TACC2: variants seen among roughly 807,000 people sequenced by gnomAD.
TACC2 encodes the protein transforming acidic coiled-coil-containing protein 2.
A neutral mutation model predicts 227.3 loss-of-function variants in TACC2; 137 were observed. The observed-to-expected ratio is 0.60, with a 90% CI of 0.52 to 0.69. The LOEUF is 0.69. TACC2 is among the 30% of genes least tolerant of loss of function. The pLI is 0.00. For missense variants in TACC2, 3,470 were observed against 3,694.4 expected, an observed-to-expected ratio of 0.94 and a Z score of 1.57; for synonymous variants, 1,523 against 1,487.5, an observed-to-expected ratio of 1.02 and a Z score of -0.55.
chr10:122,168,973 A>G (rs1396696947), intron 7 of TACC2, among the ~76,000 whole-genome samples: 3 of 152,194 alleles, frequency 2.0e-5, no homozygotes, highest in Non-Finnish European at 4.4e-5. Context: ...ATTGTAAGCA[A>G]TTGTTCTGTG....
chr10:122,134,163 C>T (rs1006096652), intron 6 of TACC2, among the ~76,000 whole-genome samples: 1 of 149,956 alleles, frequency 6.7e-6, no homozygotes, highest in Non-Finnish European at 1.5e-5. Context: ...TGGGAGTCAG[C>T]CATAGTTCTT....
intron 19 of TACC2, chr10:122,247,045 T>A (rs2096137731): frequency 6.6e-6 from 1 of 152,510 alleles, no homozygotes; most frequent in African/African-American, 2.4e-5. Context: ...CAGAGAGGCC[T>A]GGGAGGGTAG....
At chr10:122,019,408 G>A (rs1017279970) in intron 1 of TACC2, among the ~76,000 whole-genome samples, 15 of 152,342 alleles carry the variant, frequency 9.8e-5, no homozygotes, top group African/African-American at 3.6e-4. Context: ...GGGAGCAGTT[G>A]GCTTATTTTT....
chr10:122,083,568 G>T lies in TACC2; in HGVS notation c.1068G>T (p.Val356=). ...LPWGLPSPAL[V]PEAGGSGKEA... ...GGGGCTTGCCAAGTCCTGCCCTGGTGCCAGAGGCTGGGGGCTCTGGGAAGG... is the reference window on the plus strand; with the variant it reads ...GGGGCTTGCCAAGTCCTGCCCTGGTTCCAGAGGCTGGGGGCTCTGGGAAGG... Residue 356 remains valine, a synonymous_variant, in exon 4 of 23, where the codon GTG becomes GTT. Transcript: ENST00000369005. 6.2e-7 allele frequency: 1 copy of T among 1,613,106 alleles called. No homozygotes were observed. The highest frequency in any genetic ancestry group is 1.3e-5 in the African/African-American group (1 of 75,052).
intron 7 of TACC2, among the ~76,000 whole-genome samples, chr10:122,166,343 G>A (rs1240928146): frequency 6.6e-6 from 1 of 152,084 alleles, no homozygotes; most frequent in Non-Finnish European, 1.5e-5. Flanking sequence ...CCAATTGCAG[G>A]TTTGGGGTGC....
At chr10:122,005,919 T>C (rs1394151104) in intron 1 of TACC2, among the ~76,000 whole-genome samples, 2 of 152,032 alleles carry the variant, frequency 1.3e-5, no homozygotes, top group Non-Finnish European at 2.9e-5. Context: ...GGTCTCAAAC[T>C]CTGGACCTCA....
chr10:122,008,552 G>A (rs988215533), intron 1 of TACC2, among the ~76,000 whole-genome samples: 3 of 151,390 alleles, frequency 2.0e-5, no homozygotes, highest in Non-Finnish European at 4.4e-5. Context: ...GAGCCACTGC[G>A]CCCAGCACTA....
At chr10:122,017,132 C>G (rs1310182656) in intron 1 of TACC2, among the ~76,000 whole-genome samples, 1 of 152,130 alleles carries the variant, frequency 6.6e-6, no homozygotes, top group Non-Finnish European at 1.5e-5. Flanking sequence ...CCGGAGCTGA[C>G]CAGAGCAGCC....
intron 17 of TACC2, 85 bp downstream of exon 17, chr10:122,237,623 G>A (rs1241514159): frequency 2.6e-5 from 39 of 1,504,644 alleles, no homozygotes; most frequent in Non-Finnish European, 3.3e-5. Context: ...AGTCTTTGGA[G>A]ACAGACTTTG....
rs368675258 is a variant in TACC2 at position 122,102,839 on chromosome 10, G to A, written c.5573+14248G>A. 1.5e-3 allele frequency among the ~76,000 whole-genome samples: 224 copies of A among 152,332 alleles called. 1 individual carries two copies. The highest frequency in any genetic ancestry group is 4.9e-3 in the African/African-American group (203 of 41,584). On this transcript the variant is annotated intron_variant, in intron 5 of 22. Coordinates refer to ENST00000369005, the MANE Select transcript of TACC2 (RefSeq NM_206862.4). ...GAAATTCTGGCTGAGGCTGAGAGCC[G>A]TGTGCAGAGCTGCCCCCACACATTT...
At chr10:122,162,997 C>T (rs2092915128) in intron 7 of TACC2, among the ~76,000 whole-genome samples, 1 of 152,108 alleles carries the variant, frequency 6.6e-6, no homozygotes, top group Non-Finnish European at 1.5e-5. Context: ...AGCCCGCTCG[C>T]AGGCCCAGTA....
At chr10:122,146,896 G>A (rs1273474790) in intron 7 of TACC2, among the ~76,000 whole-genome samples, 1 of 152,048 alleles carries the variant, frequency 6.6e-6, no homozygotes, top group Non-Finnish European at 1.5e-5. Flanking sequence ...GACTTGTCTT[G>A]TTTCTGATGA....
rs993273104 is a variant in TACC2, at chr10:122,194,199, G to C, written c.5835-841G>C. 2.6e-5 allele frequency among the ~76,000 whole-genome samples: 4 copies of C among 152,308 alleles called. No homozygotes were observed. Among genetic ancestry groups the C allele is most frequent in the African/African-American group, 4.8e-5 (2 of 41,574 alleles). Reference sequence around the variant, plus strand: ...TGAGTCTCCCAAAGCGCTGGGATTAGAGGCATGAGCCACCGCACCTGGCCT... The same window carrying C: ...TGAGTCTCCCAAAGCGCTGGGATTACAGGCATGAGCCACCGCACCTGGCCT... On this transcript the variant is annotated intron_variant, in intron 7 of 22. Transcript: ENST00000369005. This position sits in a 1 kb window ranked among gnomAD's most constrained non-coding sequence, Gnocchi z 4.4.
chr10:122,163,586 G>C (rs2092956784), intron 7 of TACC2: 2 of 1,002,606 alleles, frequency 2.0e-6, no homozygotes, highest in African/African-American at 3.5e-5. Flanking sequence ...ACAGGAGCCG[G>C]CTGCCGGGGG....
intron 1 of TACC2, among the ~76,000 whole-genome samples, chr10:122,019,509 C>G (rs1456580157): frequency 6.6e-6 from 1 of 152,200 alleles, no homozygotes; most frequent in Non-Finnish European, 1.5e-5. Context: ...AAGGACAGTT[C>G]TGAGCTGCTA....
intron 7 of TACC2, among the ~76,000 whole-genome samples, chr10:122,191,621 T>C (rs893232353): frequency 1.3e-5 from 2 of 152,170 alleles, no homozygotes; most frequent in African/African-American, 4.8e-5. Context: ...CCATAGGCCG[T>C]GGGTTGGACA....
intron 6 of TACC2, among the ~76,000 whole-genome samples, chr10:122,136,000 C>G (rs538391332): frequency 3.9e-5 from 6 of 152,170 alleles, no homozygotes; most frequent in Admixed American, 2.0e-4. Flanking sequence ...AGCTTCCTCC[C>G]GGCATGAGGG....
rs911861882 is a variant in TACC2, at chr10:122,215,428, C to T, written c.7321C>T (p.Pro2441Ser). The T allele has an allele frequency of 2.5e-6, 4 of 1,613,882 alleles. No homozygotes were observed. The African/African-American group carries it at 4.0e-5, about 16-fold the overall frequency. ...GGTGAAAAAGTCGCCAAAACGGTCTCCTCTCTCTGATCCACCTTCCCAGGT... is the reference window on the plus strand; with the variant it reads ...GGTGAAAAAGTCGCCAAAACGGTCTTCTCTCTCTGATCCACCTTCCCAGGT... The part of the protein sequence containing the change: ...FRVKKSPKRS[P>S]LSDPPSQDPT... Residue 2441 changes from proline to serine, a missense_variant, in exon 10 of 23, where the codon CCT becomes TCT. This residue lies in a region of TACC2 where 593 missense variants were observed against 636.6 expected (regional missense o/e 0.93). Coordinates refer to ENST00000369005, the MANE Select transcript of TACC2 (RefSeq NM_206862.4).
Position 122,150,056 on chromosome 10 carries a change from G to A in TACC2, c.5834+6350G>A, listed in dbSNP as rs934029496. Among the ~76,000 whole-genome samples, 1 of 152,222 alleles carries A rather than the reference G, an allele frequency of 6.6e-6. No homozygotes were observed. Among genetic ancestry groups the A allele is most frequent in the Non-Finnish European group, 1.5e-5 (1 of 68,044 alleles). ...AGCCTGAGGAGCAGGAGCAGAGGGC[G>A]TCAGTTAGATGGTGGCTCCCTCAGT... On this transcript the variant is annotated intron_variant, in intron 7 of 22. Coordinates refer to ENST00000369005, the MANE Select transcript of TACC2 (RefSeq NM_206862.4). This position sits in a 1 kb window ranked among gnomAD's most constrained non-coding sequence, Gnocchi z 4.0.
Sources: allele counts gnomAD v4.1 joint callset (sites outside exome capture counted in the v4.1 genomes callset), GRCh38; gene constraint gnomAD v4.1.1; regional missense constraint gnomAD v4.1.1; non-coding constraint Gnocchi (gnomAD v3.1); transcripts MANE v1.5; gene names NCBI Gene and HGNC (gene_info 2026-07-23, HGNC 2026-07-21).